RADX: variants seen among roughly 807,000 people sequenced by gnomAD.
The protein encoded by RADX is RPA1 related single stranded DNA binding protein, X-linked, also known as RPA-related protein RADX.
Under a neutral mutation model 61.6 loss-of-function variants are expected in RADX, and 36 were observed. The observed-to-expected ratio is 0.58, with a 90% confidence interval of 0.45 to 0.77. The LOEUF is 0.77. Among genes scored for constraint, RADX ranks in the 30% least tolerant of loss-of-function variants. The pLI, the probability that RADX is intolerant of heterozygous loss-of-function variation, is 0.00. For missense variants in RADX, 497 were observed against 651.1 expected (o/e 0.76, Z 2.58); for synonymous variants, 272 against 237.9 (o/e 1.14, Z -1.32).
chrX:106,645,484 A>G (rs1364083244), intron 10 of RADX, among the ~76,000 whole-genome samples: 3 of 110,655 alleles, frequency 2.7e-5, no homozygotes, highest in African/African-American at 6.5e-5. Flanking sequence ...CAATTTTTCA[A>G]TTTTCTTCTT....
chrX:106,648,199 G>T, intron 10 of RADX, 114 bp from the exon 11 acceptor site: 1 of 431,216 alleles, frequency 2.3e-6, no homozygotes, highest in Admixed American at 3.6e-5. Flanking sequence ...AACTTAACCT[G>T]TATATTTTCT....
intron 1 of RADX, among the ~76,000 whole-genome samples, chrX:106,620,127 G>A (rs1025936265): frequency 2.7e-5 from 3 of 111,380 alleles, no homozygotes; most frequent in African/African-American, 6.5e-5. Context: ...GCTAAATGAC[G>A]TGTGACATAA....
rs760629060 is a variant in RADX, at chrX:106,636,256, C to T, written c.1304-287C>T. Among the ~76,000 whole-genome samples the T allele has an allele frequency of 1.1e-4, 12 of 111,279 alleles. No homozygotes were observed. The South Asian group carries it at 4.5e-3, about 42-fold the overall frequency. On this transcript the variant is annotated intron_variant, in intron 6 of 13. Coordinates refer to ENST00000372548, the MANE Select transcript of RADX (RefSeq NM_018015.6). Reference sequence around the variant, plus strand: ...ACTTTAGTTAGTTGCAGCTGTTGTACTTTCTTAAAAAAAAGGGGCCTCTCG... The same window carrying T: ...ACTTTAGTTAGTTGCAGCTGTTGTATTTTCTTAAAAAAAAGGGGCCTCTCG...
chrX:106,631,809 G>A (rs1927235439), intron 3 of RADX, among the ~76,000 whole-genome samples: 3 of 104,260 alleles, frequency 2.9e-5, no homozygotes, highest in African/African-American at 1.1e-4. Context: ...AAAGAAGAAA[G>A]AAAGAGAAAG....
intron 12 of RADX, among the ~76,000 whole-genome samples, chrX:106,664,486 A>G (rs999358158): frequency 8.9e-6 from 1 of 112,071 alleles, no homozygotes; most frequent in African/African-American, 3.2e-5. Context: ...AAAGTTATGT[A>G]AATGATCTTC....
chrX:106,623,798 T>A (rs989482101), intron 2 of RADX, among the ~76,000 whole-genome samples: 1 of 111,960 alleles, frequency 8.9e-6, no homozygotes, highest in African/African-American at 3.2e-5. Context: ...TTAAATATTT[T>A]CTCATATCAC....
intron 11 of RADX, among the ~76,000 whole-genome samples, chrX:106,652,676 G>A (rs1344565840): frequency 1.0e-5 from 1 of 99,450 alleles, no homozygotes; most frequent in Non-Finnish European, 2.0e-5. Flanking sequence ...AGAACAAGGA[G>A]ACAAAAACAT....
chrX:106,664,013 G>C (rs1185475039), intron 12 of RADX, among the ~76,000 whole-genome samples: 1 of 111,492 alleles, frequency 9.0e-6, no homozygotes, highest in African/African-American at 3.3e-5. Context: ...GAAGTATGCT[G>C]TTTCTATATA....
At chrX:106,677,026 T>A (rs1928529082) in intron 13 of RADX, among the ~76,000 whole-genome samples, 1 of 112,346 alleles carries the variant, frequency 8.9e-6, no homozygotes, top group Non-Finnish European at 1.9e-5. Context: ...CCTGCCCAGC[T>A]GCACTGGCTA....
In RADX at chrX:106,612,035, G is replaced by C. The variant is rs755748411; in HGVS notation, c.-46G>C. On this transcript the variant is annotated 5_prime_UTR_variant, in exon 1 of 14. Transcript: ENST00000372548. ...TTTTATTTCTCTCCGCTTTGGACGG[G>C]GCAAACTAGCTTTTGGGAGTGAAGC... is the stretch of plus-strand genomic sequence containing the variant. The C allele has an allele frequency of 8.6e-7, 1 of 1,167,349 alleles. No individual in the cohort carries two copies. The highest frequency in any genetic ancestry group is 1.8e-5 in the African/African-American group (1 of 56,324).
chrX:106,672,245 C>T (rs927776504), intron 13 of RADX, among the ~76,000 whole-genome samples: 6 of 111,694 alleles, frequency 5.4e-5, no homozygotes, highest in African/African-American at 1.6e-4. Context: ...ATTTCCAAAA[C>T]GTTTTCATCA....
At chrX:106,632,583 G>T (rs778666376) in intron 3 of RADX, 42 bp from the exon 4 acceptor site, 2 of 872,994 alleles carry the variant, frequency 2.3e-6, no homozygotes, top group South Asian at 4.9e-5. Context: ...ATTCTTTGGT[G>T]TGTATTAAAT....
At chrX:106,634,088 T>A (rs1927304258) in intron 6 of RADX, among the ~76,000 whole-genome samples, 1 of 111,543 alleles carries the variant, frequency 9.0e-6, no homozygotes, top group Non-Finnish European at 1.9e-5. Context: ...CTCCCAATAT[T>A]TACTACATAT....
intron 6 of RADX, among the ~76,000 whole-genome samples, chrX:106,635,214 A>G (rs1927332705): frequency 9.0e-6 from 1 of 111,134 alleles, no homozygotes; most frequent in South Asian, 3.8e-4. Context: ...AGATGCTTAT[A>G]GATATTATCT....
intron 7 of RADX, 62 bp from the exon 8 acceptor site, chrX:106,637,698 A>G (rs1011435066): frequency 2.9e-5 from 28 of 974,584 alleles, no homozygotes; most frequent in Non-Finnish European, 3.7e-5. Context: ...AAATTTGCAT[A>G]CAGATTGTTA....
At chrX:106,662,835 A>C (rs1448334499) in intron 12 of RADX, among the ~76,000 whole-genome samples, 1 of 111,279 alleles carries the variant, frequency 9.0e-6, no homozygotes, top group Non-Finnish European at 1.9e-5. Context: ...GATAAGAGAA[A>C]ATAAGCTGAT....
Position 106,640,630 on chromosome X carries a change from G to T in RADX, c.1813G>T (p.Glu605Ter). Residue 605 changes from glutamate to a stop codon, truncating the protein, a stop_gained, in exon 10 of 14, where the codon GAG becomes TAG. Coordinates refer to ENST00000372548, the MANE Select transcript of RADX (RefSeq NM_018015.6). LOFTEE classifies it high-confidence loss of function. ...AAATGGTAAACGGCATCAAGATGAT[G>T]AGCCTGTGAATTCTCAGTATTTCCA... ...ERNGKRHQDDEPVNSQYFQTT... is the reference protein window; with the variant it reads ...ERNGKRHQDD The T allele has an allele frequency of 5.0e-6, 6 of 1,194,195 alleles. No homozygotes were observed. Among genetic ancestry groups the T allele is most frequent in the Non-Finnish European group, 6.8e-6 (6 of 881,531 alleles).
chrX:106,631,324 A>G (rs1927211115), intron 3 of RADX, among the ~76,000 whole-genome samples: 2 of 111,907 alleles, frequency 1.8e-5, no homozygotes, highest in Non-Finnish European at 1.9e-5. Context: ...TATGAACCAT[A>G]AGTATATGAA....
chrX:106,661,827 G>C (rs1928105185), intron 11 of RADX, among the ~76,000 whole-genome samples, 188 bp from the exon 12 acceptor site: 2 of 111,798 alleles, frequency 1.8e-5, no homozygotes, highest in South Asian at 7.4e-4. Context: ...TATTTTGAAA[G>C]TGAATTTAGT....
Sources: allele counts gnomAD v4.1 joint callset (sites outside exome capture counted in the v4.1 genomes callset), GRCh38; gene constraint gnomAD v4.1.1; transcripts MANE v1.5; gene names NCBI Gene and HGNC (gene_info 2026-07-23, HGNC 2026-07-21).